The following ATXN10 variants were observed in gnomAD, a reference collection of about 807,000 sequenced individuals.
The protein encoded by ATXN10 is ataxin-10.
In ATXN10, 28 loss-of-function variants were observed where a neutral mutation model predicts 52.9. The observed-to-expected ratio is 0.53, with a 90% CI of 0.39 to 0.73. The LOEUF is 0.73. Among genes scored for constraint, ATXN10 ranks in the 30% least tolerant of loss-of-function variants. The probability of loss-of-function intolerance (pLI) is 0.00; values close to 1 mark genes in which losing one functional copy is unlikely to be tolerated. For synonymous variants in ATXN10, 226 were observed against 221.5 expected (o/e 1.02, Z -0.18); for missense variants, 565 against 577.0 (o/e 0.98, Z 0.21).
chr22:45,822,599 C>T lies in ATXN10; in HGVS notation c.1237+15577C>T, dbSNP rs190009823. On this transcript the variant is annotated intron_variant, in intron 10 of 11. Transcript: ENST00000252934. ...AGGCTGGAGTGCAGTGGCACGATCTCGGCTCACTGCAACCTCCATCTCCTG... is the reference window on the plus strand; with the variant it reads ...AGGCTGGAGTGCAGTGGCACGATCTTGGCTCACTGCAACCTCCATCTCCTG... 2.7e-3 allele frequency among the ~76,000 whole-genome samples: 374 copies of T among 140,526 alleles called. 2 individuals are homozygous for T. Among genetic ancestry groups the T allele is most frequent in the Non-Finnish European group, 4.4e-3 (292 of 66,770 alleles). The allele number at this position is 140,526 out of a possible 152,430, so 92.2% of individuals were successfully genotyped here.
intron 7 of ATXN10, chr22:45,734,388 G>T: frequency 3.6e-6 from 1 of 279,222 alleles, no homozygotes; most frequent in Non-Finnish European, 7.7e-6. Flanking sequence ...CTGGAAATTA[G>T]TCTTTCTGTC....
At position 45,751,843 on chromosome 22, in the gene ATXN10, GTTTTT is replaced by G. The variant is rs138181; in HGVS notation, c.1173+11320_1173+11324del. Among the ~76,000 whole-genome samples, 16 of 132,644 alleles carry G rather than the reference GTTTTT, an allele frequency of 1.2e-4. No homozygotes were observed. The South Asian group carries it at 1.9e-3, about 16-fold the overall frequency. The allele number at this position is 132,644 out of a possible 152,430, so 87.0% of individuals were successfully genotyped here. ...GCAGTTTTGATCTTTAGCATATTTA[GTTTTT>G]TTTTTTTTTTTTTTCCTGGCAGCAG... On this transcript the variant is annotated intron_variant, in intron 9 of 11. Transcript: ENST00000252934.
chr22:45,746,502 G>A (rs1000135471), intron 9 of ATXN10, among the ~76,000 whole-genome samples: 19 of 151,986 alleles, frequency 1.3e-4, no homozygotes, highest in African/African-American at 4.1e-4. Flanking sequence ...ATAATTGATC[G>A]AGTGATTGCT....
At chr22:45,839,568 T>C (rs1929276996) in intron 10 of ATXN10, among the ~76,000 whole-genome samples, 1 of 152,216 alleles carries the variant, frequency 6.6e-6, no homozygotes, top group African/African-American at 2.4e-5. Flanking sequence ...AAGCGGGCAT[T>C]GTGTAAGTTT....
At chr22:45,777,463 T>C (rs1440765960) in intron 9 of ATXN10, among the ~76,000 whole-genome samples, 1 of 152,254 alleles carries the variant, frequency 6.6e-6, no homozygotes, top group Non-Finnish European at 1.5e-5. Context: ...ATACAAGTGG[T>C]AAACAGTTGG....
In ATXN10 at chr22:45,754,625, A is replaced by T. The variant is rs879463879; in HGVS notation, c.1173+14087A>T. The stretch of plus-strand genomic sequence containing the variant: ...CCCAGCACTTTGGGAGGCCGAGGCC[A>T]GCGGATCACCTGAGGTCAGGAGTTC... On this transcript the variant is annotated intron_variant, in intron 9 of 11. Coordinates refer to ENST00000252934, the MANE Select transcript of ATXN10 (RefSeq NM_013236.4). The surrounding 1 kb of genome is among the most constrained non-coding windows in gnomAD (Gnocchi z 5.4). Among the ~76,000 whole-genome samples, 8 of 152,154 alleles carry T rather than the reference A, an allele frequency of 5.3e-5. No individual in the cohort carries two copies. Among genetic ancestry groups the T allele is most frequent in the Admixed American group, 2.0e-4 (3 of 15,272 alleles).
Position 45,841,746 on chromosome 22 carries a change from A to G in ATXN10, c.1238-1245A>G, listed in dbSNP as rs1196695825. ...CTGTTGGACTCATTTTCTTTCCCAA[A>G]TACTACAGGAAAGAGCACCAGCTTT... On this transcript the variant is annotated intron_variant, in intron 10 of 11. Transcript: ENST00000252934. The surrounding 1 kb of genome is among the most constrained non-coding windows in gnomAD (Gnocchi z 5.1). 6.6e-6 allele frequency among the ~76,000 whole-genome samples: 1 copy of G among 152,224 alleles called. No homozygotes were observed. Among genetic ancestry groups the G allele is most frequent in the East Asian group, 1.9e-4 (1 of 5,202 alleles).
rs931210541 is a variant in ATXN10, at chr22:45,728,806, G to C, written c.729-619G>C. Among the ~76,000 whole-genome samples the C allele has an allele frequency of 1.3e-5, 2 of 152,164 alleles. No individual in the cohort carries two copies. Among genetic ancestry groups the C allele is most frequent in the African/African-American group, 4.8e-5 (2 of 41,448 alleles). On this transcript the variant is annotated intron_variant, in intron 6 of 11. Coordinates refer to ENST00000252934, the MANE Select transcript of ATXN10 (RefSeq NM_013236.4). This position sits in a 1 kb window ranked among gnomAD's most constrained non-coding sequence, Gnocchi z 4.3. ...AAAAATGGCACAGTCTTGGTCTTCA[G>C]ATTTGTGTTTGTGTAAACTAAAATA...
intron 6 of ATXN10, among the ~76,000 whole-genome samples, chr22:45,726,293 GT>G (rs954321945): frequency 6.6e-6 from 1 of 151,954 alleles, no homozygotes; most frequent in African/African-American, 2.4e-5. Flanking sequence ...CTGGCCCTGG[GT>G]TTTTTGTTTT....
At position 45,728,741 on chromosome 22, in the gene ATXN10, T is replaced by A. The variant is rs1924971164; in HGVS notation, c.729-684T>A. Among the ~76,000 whole-genome samples, 1 of 152,192 alleles carries A rather than the reference T, an allele frequency of 6.6e-6. No individual in the cohort carries two copies. The highest frequency in any genetic ancestry group is 6.5e-5 in the Admixed American group (1 of 15,274). On this transcript the variant is annotated intron_variant, in intron 6 of 11. Coordinates refer to ENST00000252934, the MANE Select transcript of ATXN10 (RefSeq NM_013236.4). This position sits in a 1 kb window ranked among gnomAD's most constrained non-coding sequence, Gnocchi z 4.3. ...TTTCCTAGGAGAAGGAAAGAGATGGTTGAAAAGAAATATTTATTTGGTAAC... is the reference window on the plus strand; with the variant it reads ...TTTCCTAGGAGAAGGAAAGAGATGGATGAAAAGAAATATTTATTTGGTAAC...
At chr22:45,753,345 G>C (rs1016242001) in intron 9 of ATXN10, among the ~76,000 whole-genome samples, 1 of 138,470 alleles carries the variant, frequency 7.2e-6, no homozygotes, top group Non-Finnish European at 1.5e-5. Flanking sequence ...TCATCTCCTC[G>C]GGTCCTAGAG....
chr22:45,716,063 C>G (rs1044969611), intron 5 of ATXN10, among the ~76,000 whole-genome samples: 5 of 151,986 alleles, frequency 3.3e-5, no homozygotes, highest in African/African-American at 1.2e-4. Flanking sequence ...AGTTCAAGAC[C>G]AGCCAGAGCA....
intron 9 of ATXN10, among the ~76,000 whole-genome samples, chr22:45,796,629 TA>T (rs1927748924): frequency 6.6e-6 from 1 of 152,100 alleles, no homozygotes; most frequent in Non-Finnish European, 1.5e-5. Context: ...GGCCGACACT[TA>T]AGGAAAATAG....
intron 5 of ATXN10, among the ~76,000 whole-genome samples, chr22:45,709,273 G>A (rs1318216486): frequency 6.6e-6 from 1 of 152,146 alleles, no homozygotes; most frequent in Non-Finnish European, 1.5e-5. Flanking sequence ...AGGATTTAGT[G>A]TTGTTTGTTA....
intron 6 of ATXN10, among the ~76,000 whole-genome samples, chr22:45,719,717 A>G (rs1333088138): frequency 6.6e-6 from 1 of 152,140 alleles, no homozygotes. Context: ...AAAATGTTTT[A>G]TTTTTATTGA....
chr22:45,724,028 T>C (rs1463275679), intron 6 of ATXN10, among the ~76,000 whole-genome samples: 1 of 112,386 alleles, frequency 8.9e-6, no homozygotes, highest in Non-Finnish European at 1.8e-5. Flanking sequence ...TTTTTATGGT[T>C]GAGTAGTATT....
rs1014936465 is a variant in ATXN10, at chr22:45,750,663, A to G, written c.1173+10125A>G. ...AAATGAAAATAATTGAGGAATTGTC[A>G]TATCAATATTAAAATATACTTTAAG... On this transcript the variant is annotated intron_variant, in intron 9 of 11. Transcript: ENST00000252934. This position sits in a 1 kb window ranked among gnomAD's most constrained non-coding sequence, Gnocchi z 4.2. Among the ~76,000 whole-genome samples the G allele has an allele frequency of 6.6e-6, 1 of 152,260 alleles. No homozygotes were observed. Among genetic ancestry groups the G allele is most frequent in the African/African-American group, 2.4e-5 (1 of 41,482 alleles).
Position 45,671,960 on chromosome 22 carries a change from C to T in ATXN10, c.-104C>T, listed in dbSNP as rs114149373. 4,265 of 1,317,888 alleles carry T rather than the reference C, an allele frequency of 3.2e-3. 119 individuals carry two copies. The African/African-American group carries it at 0.057, about 17-fold the overall frequency. The allele number at this position is 1,317,888 out of a possible 1,614,324, so 81.6% of individuals were successfully genotyped here. On this transcript the variant is annotated 5_prime_UTR_variant, in exon 1 of 12. Transcript: ENST00000252934. ...TAGGGCTGTGTAGGGCGAGGCCTCC[C>T]CCTTCCTCCTCGCCATCCTACTCCT...
In ATXN10 at chr22:45,795,041, A is replaced by G. The variant is rs1258174245; in HGVS notation, c.1174-11918A>G. 6.6e-6 allele frequency among the ~76,000 whole-genome samples: 1 copy of G among 152,216 alleles called. No individual in the cohort carries two copies. Among genetic ancestry groups the G allele is most frequent in the Non-Finnish European group, 1.5e-5 (1 of 68,032 alleles). On this transcript the variant is annotated intron_variant, in intron 9 of 11. Coordinates refer to ENST00000252934, the MANE Select transcript of ATXN10 (RefSeq NM_013236.4). The surrounding 1 kb of genome is among the most constrained non-coding windows in gnomAD (Gnocchi z 4.6). ...ATTGCCCAAAGATTAAACAGAGTAT[A>G]CAGTTACAACATTCTTATATTGTAT...
Sources: allele counts gnomAD v4.1 joint callset (sites outside exome capture counted in the v4.1 genomes callset), GRCh38; gene constraint gnomAD v4.1.1; non-coding constraint Gnocchi (gnomAD v3.1); transcripts MANE v1.5; gene names NCBI Gene and HGNC (gene_info 2026-07-23, HGNC 2026-07-21).